Variants in ASS1 observed in about 807,000 individuals in gnomAD.
The protein encoded by ASS1 is argininosuccinate synthase 1.
A neutral mutation model predicts 60.5 loss-of-function variants in ASS1; 58 were observed. That is an observed-to-expected ratio of 0.96 (90% CI 0.78 to 1.19). ASS1 has a LOEUF of 1.19. Among genes scored for constraint, ASS1 ranks in the 50% most tolerant of loss-of-function variants. ASS1 has a pLI of 0.00. For missense variants in ASS1, 454 were observed against 547.3 expected, an observed-to-expected ratio of 0.83 and a Z score of 1.70; for synonymous variants, 200 against 206.9, an observed-to-expected ratio of 0.97 and a Z score of 0.29.
chr9:130,454,961 CATCT>C (rs1415361970), intron 3 of ASS1, among the ~76,000 whole-genome samples: 4 of 150,128 alleles, frequency 2.7e-5, no homozygotes, highest in African/African-American at 9.8e-5. Flanking sequence ...TCCATCTATC[CATCT>C]ATCCATCCAT....
intron 4 of ASS1, among the ~76,000 whole-genome samples, chr9:130,461,556 A>T (rs573725821): frequency 1.1e-4 from 16 of 152,266 alleles, no homozygotes; most frequent in South Asian, 2.1e-4. Flanking sequence ...GACTCCGGGG[A>T]TGCCGGGGAG....
At chr9:130,499,675 G>GCTGCCCTGCC (rs201153157) in intron 14 of ASS1, 105 bp downstream of exon 14, 53 of 1,214,422 alleles carry the variant, frequency 4.4e-5, no homozygotes, top group South Asian at 3.2e-4. Context: ...GACCTTGACT[G>GCTGCCCTGCC]CTGCCCTGCC....
intron 3 of ASS1, among the ~76,000 whole-genome samples, chr9:130,457,457 A>G (rs1028801524): frequency 8.5e-5 from 13 of 152,058 alleles, no homozygotes; most frequent in African/African-American, 3.1e-4. Context: ...GATGACAGAG[A>G]AAGACCCTGT....
rs150202505 is a variant in ASS1, at chr9:130,470,784, C to T, written c.496-50C>T. 5.0e-4 allele frequency: 780 copies of T among 1,559,460 alleles called. 3 individuals carry two copies. In the African/African-American group the frequency reaches 8.1e-3, roughly 16 times the overall value. ...AGCAGGGCCCCTGGGACGGACCTCA[C>T]GCGTCCTTCCAGCCGCCTTACCTCC... On this transcript the variant is annotated intron_variant, in intron 6 of 14. Transcript: ENST00000352480. This position sits in a 1 kb window ranked among gnomAD's most constrained non-coding sequence, Gnocchi z 4.3.
At chr9:130,451,682 G>A (rs552124305) in intron 1 of ASS1, 129 of 379,162 alleles carry the variant, frequency 3.4e-4, no homozygotes, top group Non-Finnish European at 5.7e-4. Context: ...ACCTCTCTGA[G>A]CCCTGCTGGC....
chr9:130,476,736 C>CG lies in ASS1; in HGVS notation c.598-130dup. On this transcript the variant is annotated intron_variant, in intron 8 of 14. Coordinates refer to ENST00000352480, the MANE Select transcript of ASS1 (RefSeq NM_054012.4). This position sits in a 1 kb window ranked among gnomAD's most constrained non-coding sequence, Gnocchi z 4.9. Reference sequence around the variant, plus strand: ...TGGTGCTAGGCTGAGGGCTGGGGACCGGGGGATCTGCCGGACCCCACCAGC... The same window carrying CG: ...TGGTGCTAGGCTGAGGGCTGGGGACCGGGGGGATCTGCCGGACCCCACCAGC... 3 of 854,016 alleles carry CG rather than the reference C, an allele frequency of 3.5e-6. No homozygotes were observed. Among genetic ancestry groups the CG allele is most frequent in the Admixed American group, 3.5e-5 (2 of 57,022 alleles). The allele number at this position is 854,016 out of a possible 1,614,324, so 52.9% of individuals were successfully genotyped here.
At chr9:130,495,084 A>G in intron 13 of ASS1, 61 bp downstream of exon 13, 1 of 1,543,114 alleles carries the variant, frequency 6.5e-7, no homozygotes, top group African/African-American at 1.4e-5. Flanking sequence ...TTTTGACTGG[A>G]TCCTCAAGAC....
At chr9:130,498,145 T>C (rs1846649956) in intron 13 of ASS1, among the ~76,000 whole-genome samples, 1 of 152,162 alleles carries the variant, frequency 6.6e-6, no homozygotes, top group African/African-American at 2.4e-5. Flanking sequence ...GCCAGGCAGA[T>C]GCAGAGACCT....
At chr9:130,465,050 ATATATATT>A (rs1440518619) in intron 5 of ASS1, among the ~76,000 whole-genome samples, 49 of 91,276 alleles carry the variant, frequency 5.4e-4, no homozygotes, top group African/African-American at 2.2e-3. Flanking sequence ...ATATATATAT[ATATATATT>A]TTTTTTTTTT....
intron 1 of ASS1, among the ~76,000 whole-genome samples, chr9:130,446,014 TTTTC>T (rs1267846816): frequency 3.3e-5 from 5 of 152,188 alleles, no homozygotes; most frequent in Admixed American, 2.6e-4. Context: ...TTTCATTTTC[TTTTC>T]TTTCTAAAAA....
intron 4 of ASS1, among the ~76,000 whole-genome samples, chr9:130,461,826 A>T (rs1299792472): frequency 1.3e-5 from 2 of 152,148 alleles, no homozygotes; most frequent in Non-Finnish European, 2.9e-5. Context: ...GTATCCACCC[A>T]GCACTGCCCC....
intron 1 of ASS1, 94 bp downstream of exon 1, chr9:130,445,089 C>T: frequency 1.1e-6 from 1 of 947,822 alleles, no homozygotes; most frequent in Non-Finnish European, 1.3e-6. Context: ...ACGCCCGCCC[C>T]GGGGCCCGCG....
chr9:130,455,578 T>C (rs982470239), intron 3 of ASS1, among the ~76,000 whole-genome samples: 1 of 152,268 alleles, frequency 6.6e-6, no homozygotes, highest in Non-Finnish European at 1.5e-5. Context: ...AGAACTCCAA[T>C]TGAGTCTGGT....
rs749907969 is a variant in ASS1 at position 130,476,861 on chromosome 9, CTT to C, written c.598-5_598-4del. The C allele has an allele frequency of 1.6e-5, 25 of 1,612,886 alleles. No homozygotes were observed. The African/African-American group carries it at 2.9e-4, about 19-fold the overall frequency. On this transcript the variant is annotated splice_polypyrimidine_tract_variant and splice_region_variant and intron_variant, in intron 8 of 14. Transcript: ENST00000352480. The surrounding 1 kb of genome is among the most constrained non-coding windows in gnomAD (Gnocchi z 4.9). The stretch of plus-strand genomic sequence containing the variant: ...ATGTCATCTGCCCACCACTTTCTGT[CTT>C]TTTTCAGAACCAAGCGCCTCCAGGT...
intron 11 of ASS1, among the ~76,000 whole-genome samples, chr9:130,486,399 A>G (rs1288590096): frequency 6.6e-6 from 1 of 152,116 alleles, no homozygotes; most frequent in African/African-American, 2.4e-5. Flanking sequence ...GGCCTGTGCT[A>G]AGTTCTATGT....
Position 130,464,140 on chromosome 9 carries a change from C to T in ASS1, c.393C>T (p.Ser131=). Residue 131 remains serine (S), a synonymous_variant, in exon 5 of 15, where the codon AGC becomes AGT. Transcript: ENST00000352480. The part of the protein sequence containing the change: ...KGNDQVRFEL[S]CYSLAPQIKV... Reference sequence around the variant, plus strand: ...ACGATCAGGTCCGGTTTGAGCTCAGCTGCTACTCACTGGCCCCCCAGATAA... The same window carrying T: ...ACGATCAGGTCCGGTTTGAGCTCAGTTGCTACTCACTGGCCCCCCAGATAA... 6.2e-7 allele frequency: 1 copy of T among 1,614,062 alleles called. No homozygotes were observed. The highest frequency in any genetic ancestry group is 1.1e-5 in the South Asian group (1 of 91,080).
At position 130,480,434 on chromosome 9, in the gene ASS1, G is replaced by T. The variant is rs1554723625; in HGVS notation, c.823G>T (p.Gly275Ter). The part of the protein sequence containing the change: ...RIDIVENRFI[G>*]MKSRGIYETP... ...TGACATCGTGGAGAACCGCTTCATTGGAATGAAGTCCCGAGGTGAGTCTGC... is the reference window on the plus strand; with the variant it reads ...TGACATCGTGGAGAACCGCTTCATTTGAATGAAGTCCCGAGGTGAGTCTGC... Residue 275 changes from glycine to a stop codon, truncating the protein, a stop_gained, in exon 11 of 15, where the codon GGA becomes TGA. Transcript: ENST00000352480. LOFTEE classifies it high-confidence loss of function. 6.2e-7 allele frequency: 1 copy of T among 1,614,126 alleles called. No homozygotes were observed. The highest frequency in any genetic ancestry group is 8.5e-7 in the Non-Finnish European group (1 of 1,180,020).
chr9:130,461,370 G>A (rs956908155), intron 4 of ASS1, among the ~76,000 whole-genome samples: 5 of 141,296 alleles, frequency 3.5e-5, no homozygotes, highest in Non-Finnish European at 6.4e-5. Context: ...GCTTGGGTTT[G>A]AGGCCTTGGG....
rs201623252 is a variant in ASS1, at chr9:130,464,127, G to T, written c.380G>T (p.Arg127Leu). The T allele has an allele frequency of 6.2e-7, 1 of 1,614,042 alleles. No individual in the cohort carries two copies. Among genetic ancestry groups the T allele is most frequent in the Non-Finnish European group, 8.5e-7 (1 of 1,179,984 alleles). ...GCATTGCAGGGGAACGATCAGGTCC[G>T]GTTTGAGCTCAGCTGCTACTCACTG... ...GATGKGNDQVRFELSCYSLAP... is the reference protein window; with the variant it reads ...GATGKGNDQVLFELSCYSLAP... The change falls in exon 5 of 15, where the codon CGG becomes CTG. Residue 127 changes from arginine to leucine, a missense_variant. Coordinates refer to ENST00000352480, the MANE Select transcript of ASS1 (RefSeq NM_054012.4).
Sources: allele counts gnomAD v4.1 joint callset (sites outside exome capture counted in the v4.1 genomes callset), GRCh38; gene constraint gnomAD v4.1.1; non-coding constraint Gnocchi (gnomAD v3.1); transcripts MANE v1.5; gene names NCBI Gene and HGNC (gene_info 2026-07-23, HGNC 2026-07-21).